LRRK2: variants seen among roughly 807,000 people sequenced by gnomAD.
The protein encoded by LRRK2 is leucine-rich repeat serine/threonine-protein kinase 2.
Under a neutral mutation model 302.6 loss-of-function variants are expected in LRRK2, and 203 were observed. That is an observed-to-expected ratio of 0.67 (90% CI 0.60 to 0.75). The LOEUF (loss-of-function observed/expected upper bound fraction) is 0.75. Ranked by LOEUF, LRRK2 falls within the 30% of genes least tolerant of loss-of-function variation. The pLI, the probability that LRRK2 is intolerant of heterozygous loss-of-function variation, is 0.00. For synonymous variants in LRRK2, 1,066 were observed against 1,031.9 expected, an observed-to-expected ratio of 1.03 and a Z score of -0.63; for missense variants, 2,830 against 2,951.0, an observed-to-expected ratio of 0.96 and a Z score of 0.95.
intron 4 of LRRK2, among the ~76,000 whole-genome samples, chr12:40,236,116 C>T (rs1048602645): frequency 1.4e-4 from 21 of 152,042 alleles, no homozygotes; most frequent in African/African-American, 4.8e-4. Flanking sequence ...CTGCCCTTGC[C>T]ATTATTACTT....
intron 40 of LRRK2, among the ~76,000 whole-genome samples, chr12:40,337,211 A>G (rs10506154): frequency 0.032 from 4,913 of 152,318 alleles, 229 homozygotes; most frequent in Admixed American, 0.12. Context: ...CAGCACAGGA[A>G]ATAAAATCAT....
chr12:40,274,619 A>G lies in LRRK2; in HGVS notation c.1693A>G (p.Lys565Glu). 1 of 1,613,898 alleles carries G rather than the reference A, an allele frequency of 6.2e-7. No individual in the cohort carries two copies. Among genetic ancestry groups the G allele is most frequent in the Non-Finnish European group, 8.5e-7 (1 of 1,179,872 alleles). ...GNPGIQKCGL[K>E]VISSIVHFPD... is the part of the protein sequence containing the mutation. The stretch of plus-strand genomic sequence containing the variant: ...TCCTGGGATTCAGAAATGTGGATTA[A>G]AAGTAATTTCTTCTATTGTACATTT... The change falls in exon 15 of 51, where the codon AAA becomes GAA. Residue 565 changes from lysine to glutamate, a missense_variant. This residue lies in a region of LRRK2 where 2,121 missense variants were observed against 2,148.0 expected (regional missense o/e 0.99). Transcript: ENST00000298910.
chr12:40,235,921 A>G (rs566312280), intron 4 of LRRK2, among the ~76,000 whole-genome samples: 51 of 151,928 alleles, frequency 3.4e-4, no homozygotes, highest in Non-Finnish European at 6.3e-4. Context: ...TATTTCCAAA[A>G]TTCTTTCTGT....
chr12:40,280,833 G>A (rs889659352), intron 18 of LRRK2, among the ~76,000 whole-genome samples: 9 of 151,314 alleles, frequency 5.9e-5, no homozygotes, highest in African/African-American at 2.2e-4. Flanking sequence ...TTGGGAGGCC[G>A]AGGTGGGTGG....
intron 2 of LRRK2, 77 bp downstream of exon 2, chr12:40,225,717 G>A (rs1342088657): frequency 1.5e-6 from 2 of 1,306,242 alleles, no homozygotes; most frequent in East Asian, 4.9e-5. Flanking sequence ...TGTTAATATA[G>A]CCGAGAGTTC....
chr12:40,328,357 A>T lies in LRRK2; in HGVS notation c.5657-3A>T. On this transcript the variant is annotated splice_region_variant and splice_polypyrimidine_tract_variant and intron_variant, in intron 38 of 50. Coordinates refer to ENST00000298910, the MANE Select transcript of LRRK2 (RefSeq NM_198578.4). The stretch of plus-strand genomic sequence containing the variant: ...TAAGTGCTTTGTATTTTCTTTTCAA[A>T]AGGTGATGGCAGTTTTGGATCAGTT... 6.2e-7 allele frequency: 1 copy of T among 1,613,084 alleles called. No homozygotes were observed. The highest frequency in any genetic ancestry group is 8.5e-7 in the Non-Finnish European group (1 of 1,179,140).
chr12:40,347,763 G>C (rs1175962579), intron 42 of LRRK2, among the ~76,000 whole-genome samples: 1 of 152,202 alleles, frequency 6.6e-6, no homozygotes, highest in Non-Finnish European at 1.5e-5. Flanking sequence ...AGGAGCTGGA[G>C]ACCAGCCTGG....
rs778571924 is a variant in LRRK2 at position 40,251,321 on chromosome 12, C to T, written c.1048C>T (p.Leu350=). ...GGGGGAAGAAGATAAATTGTTTTGG[C>T]TGGAAGCCTGTTACAAAGCATTAAC... ...DEGEEDKLFW[L]EACYKALTWH... The change falls in exon 9 of 51, where the codon CTG becomes TTG. Residue 350 remains leucine (L), a synonymous_variant. Transcript: ENST00000298910. The T allele has an allele frequency of 6.2e-7, 1 of 1,613,646 alleles. No homozygotes were observed.
intron 39 of LRRK2, among the ~76,000 whole-genome samples, chr12:40,331,641 G>T (rs551521254): frequency 1.3e-5 from 2 of 152,198 alleles, no homozygotes; most frequent in East Asian, 3.9e-4. Flanking sequence ...TATGAATTTG[G>T]GTTGGGCCAC....
intron 2 of LRRK2, among the ~76,000 whole-genome samples, chr12:40,230,793 G>A (rs1048371193): frequency 6.6e-6 from 1 of 151,766 alleles, no homozygotes; most frequent in Non-Finnish European, 1.5e-5. Context: ...TTCATCTCCG[G>A]TTTGAAATCA....
intron 40 of LRRK2, among the ~76,000 whole-genome samples, chr12:40,337,410 C>T (rs191075775): frequency 6.6e-4 from 100 of 152,264 alleles, no homozygotes; most frequent in Middle Eastern, 6.8e-3. Context: ...ACTGCATTTT[C>T]TGTATGTTTC....
Position 40,354,312 on chromosome 12 carries a change from G to T in LRRK2, c.6590G>T (p.Ser2197Ile). 6.2e-7 allele frequency: 1 copy of T among 1,614,026 alleles called. No individual in the cohort carries two copies. The highest frequency in any genetic ancestry group is 8.5e-7 in the Non-Finnish European group (1 of 1,179,944). ...EGYTSEEVAD[S>I]RILCLALVHL... is the part of the protein sequence containing the mutation. ...TTTTCTTAACAGGAAGTTGCTGATA[G>T]TAGAATATTGTGCTTAGCCTTGGTG... Residue 2197 changes from serine (S) to isoleucine (I), a missense_variant, in exon 45 of 51, where the codon AGT (serine) becomes ATT (isoleucine). Around this residue, in one of 3 missense-constraint regions of LRRK2, gnomAD observed 456 missense variants for 456.3 expected, o/e 1.00. Coordinates refer to ENST00000298910, the MANE Select transcript of LRRK2 (RefSeq NM_198578.4).
chr12:40,363,681 T>G, intron 48 of LRRK2, 127 bp downstream of exon 48: 1 of 986,638 alleles, frequency 1.0e-6, no homozygotes, highest in Non-Finnish European at 1.5e-6. Context: ...AGAAAAAAAT[T>G]TGTAATGCTT....
intron 35 of LRRK2, 53 bp downstream of exon 35, chr12:40,321,241 TATTAA>T: frequency 6.6e-7 from 1 of 1,520,532 alleles, no homozygotes; most frequent in Non-Finnish European, 9.0e-7. Flanking sequence ...AATTTAGACT[TATTAA>T]TTTTTAGAGA....
chr12:40,323,629 G>C (rs1945462946), intron 38 of LRRK2, among the ~76,000 whole-genome samples: 1 of 152,056 alleles, frequency 6.6e-6, no homozygotes, highest in Non-Finnish European at 1.5e-5. Flanking sequence ...TGAGTTAAGT[G>C]AAGCAGCCAT....
Position 40,293,647 on chromosome 12 carries a change from G to A in LRRK2, c.2792G>A (p.Arg931Lys), listed in dbSNP as rs766906033. Reference sequence around the variant, plus strand: ...CAGCGTTGCTCACCAAATTTGCAAAGACATTCCAATTCCTTGGTAAGTTAA... The same window carrying A: ...CAGCGTTGCTCACCAAATTTGCAAAAACATTCCAATTCCTTGGTAAGTTAA... The part of the protein sequence containing the change: ...VLQRCSPNLQ[R>K]HSNSLGPIFD... Residue 931 changes from arginine to lysine, a missense_variant, in exon 21 of 51, where the codon AGA (arginine) becomes AAA (lysine). By Grantham distance (26) the Arg-to-Lys change is conservative. This residue lies in a region of LRRK2 where 2,121 missense variants were observed against 2,148.0 expected (regional missense o/e 0.99). Transcript: ENST00000298910. The A allele has an allele frequency of 6.2e-7, 1 of 1,607,206 alleles. No individual in the cohort carries two copies. Among genetic ancestry groups the A allele is most frequent in the Non-Finnish European group, 8.5e-7 (1 of 1,174,358 alleles).
At chr12:40,342,708 ATCT>A (rs1313468946) in intron 41 of LRRK2, among the ~76,000 whole-genome samples, 2 of 152,158 alleles carry the variant, frequency 1.3e-5, no homozygotes, top group Admixed American at 6.5e-5. Flanking sequence ...AATTTCAGTT[ATCT>A]TCTTGTCTTT....
At chr12:40,346,698 G>A (rs1166104433) in intron 41 of LRRK2, 55 bp from the exon 42 acceptor site, 12 of 1,534,072 alleles carry the variant, frequency 7.8e-6, no homozygotes, top group Admixed American at 5.1e-5. Context: ...ATGCCTCCTT[G>A]GATGTATGAG....
Position 40,263,816 on chromosome 12 carries a change from C to A in LRRK2, c.1571C>A (p.Thr524Lys). 1 of 1,612,908 alleles carries A rather than the reference C, an allele frequency of 6.2e-7. No homozygotes were observed. The highest frequency in any genetic ancestry group is 8.5e-7 in the Non-Finnish European group (1 of 1,179,252). ...ATGCCAGAAGAATCCAGGGAGGATA[C>A]AGAATTTCATCATAAGCTAAATATG... is the stretch of plus-strand genomic sequence containing the variant. The part of the protein sequence containing the change: ...PGMPEESRED[T>K]EFHHKLNMVK... The change falls in exon 14 of 51, where the codon ACA (threonine) becomes AAA (lysine). Residue 524 changes from threonine (T) to lysine (K), a missense_variant. By Grantham distance (78) the Thr-to-Lys change is moderately conservative. This residue lies in a region of LRRK2 where 2,121 missense variants were observed against 2,148.0 expected (regional missense o/e 0.99). Transcript: ENST00000298910.
Sources: gnomAD v4.1 joint callset for allele counts (sites outside exome capture counted in the v4.1 genomes callset) on GRCh38, gnomAD v4.1.1 for gene constraint, gnomAD v4.1.1 regional missense constraint, MANE v1.5 for transcripts, NCBI Gene and HGNC (gene_info 2026-07-23, HGNC 2026-07-21) for gene names.